The following ZRANB3 variants were observed in gnomAD, a reference collection of about 807,000 sequenced individuals.
ZRANB3 encodes the protein zinc finger RANBP2-type containing 3, also known as DNA annealing helicase and endonuclease ZRANB3.
In ZRANB3, 125 loss-of-function variants were observed where a neutral mutation model predicts 133.8. The ratio of observed to expected loss-of-function variants is 0.93; its 90% CI spans 0.81 to 1.08. The LOEUF (loss-of-function observed/expected upper bound fraction) is 1.08. ZRANB3 is among the 50% of genes least tolerant of loss of function. The pLI, the probability that ZRANB3 is intolerant of heterozygous loss-of-function variation, is 0.00. For missense variants in ZRANB3, 1,229 were observed against 1,275.5 expected (o/e 0.96, Z 0.56); for synonymous variants, 387 against 432.7 (o/e 0.89, Z 1.31).
rs922369695 is a variant in ZRANB3, at chr2:135,457,220, T to C, written c.161+47109A>G. On this transcript the variant is annotated intron_variant, in intron 2 of 20. Coordinates refer to ENST00000264159, the MANE Select transcript of ZRANB3 (RefSeq NM_032143.4). ...ATTTGTTTGTCCATGACTATTTGGC[T>C]TCATTCTACTTTTAGGATAACATGA... is the stretch of plus-strand genomic sequence containing the variant. Among the ~76,000 whole-genome samples the C allele has an allele frequency of 8.5e-5, 13 of 152,198 alleles. No homozygotes were observed. The South Asian group carries it at 2.5e-3, about 29-fold the overall frequency.
intron 3 of ZRANB3, among the ~76,000 whole-genome samples, chr2:135,362,871 GTC>G (rs905427421): frequency 1.4e-4 from 22 of 152,272 alleles, no homozygotes; most frequent in African/African-American, 3.6e-4. Flanking sequence ...TCCTCCTCCA[GTC>G]TCTAGTAAAG....
intron 8 of ZRANB3, among the ~76,000 whole-genome samples, chr2:135,289,610 G>A (rs554522571): frequency 6.6e-6 from 1 of 152,234 alleles, no homozygotes; most frequent in African/African-American, 2.4e-5. Flanking sequence ...TTGATACAAT[G>A]TGATTTTTTT....
intron 10 of ZRANB3, among the ~76,000 whole-genome samples, chr2:135,269,963 C>T (rs1364842032): frequency 6.6e-6 from 1 of 152,064 alleles, no homozygotes; most frequent in Non-Finnish European, 1.5e-5. Flanking sequence ...CACCAAACTC[C>T]TATGAGTGAC....
chr2:135,395,180 C>G (rs374237577), intron 2 of ZRANB3, among the ~76,000 whole-genome samples: 1 of 151,890 alleles, frequency 6.6e-6, no homozygotes, highest in Non-Finnish European at 1.5e-5. Context: ...AATAGAGAAC[C>G]GAGAAACAAA....
At chr2:135,518,316 C>T (rs1693784201) in intron 1 of ZRANB3, among the ~76,000 whole-genome samples, 1 of 152,108 alleles carries the variant, frequency 6.6e-6, no homozygotes, top group Non-Finnish European at 1.5e-5. Context: ...GAAAAAAACT[C>T]CTGCAGCTAG....
chr2:135,484,104 G>C (rs1249805174), intron 2 of ZRANB3, among the ~76,000 whole-genome samples: 1 of 152,142 alleles, frequency 6.6e-6, no homozygotes, highest in Non-Finnish European at 1.5e-5. Flanking sequence ...TTGGGGTGGA[G>C]AGCTCTGTAG....
At chr2:135,338,460 C>A (rs533252301) in intron 6 of ZRANB3, among the ~76,000 whole-genome samples, 11 of 152,338 alleles carry the variant, frequency 7.2e-5, no homozygotes, top group African/African-American at 2.6e-4. Flanking sequence ...AAAGTGGACA[C>A]CACAGTGCCG....
chr2:135,205,286 T>C (rs762999394), intron 19 of ZRANB3, among the ~76,000 whole-genome samples: 24 of 152,180 alleles, frequency 1.6e-4, no homozygotes, highest in Admixed American at 3.3e-4. Context: ...ACATTTTATT[T>C]AGAGATACGG....
intron 3 of ZRANB3, among the ~76,000 whole-genome samples, chr2:135,370,033 CTTT>C (rs548070677): frequency 0.22 from 26,079 of 119,184 alleles, 3,095 homozygotes; most frequent in South Asian, 0.37. Context: ...GGGCATGTTT[CTTT>C]TTTTTTTTTT....
intron 1 of ZRANB3, among the ~76,000 whole-genome samples, chr2:135,507,659 C>CTTTTTTTTTTTTTTTTT (rs75194097): frequency 6.9e-6 from 1 of 145,220 alleles, no homozygotes. Flanking sequence ...TTCAAGACTC[C>CTTTTTTTTTTTTTTTTT]TTTTTTTTTT....
intron 12 of ZRANB3, among the ~76,000 whole-genome samples, chr2:135,258,360 G>A (rs538407152): frequency 3.7e-4 from 57 of 152,330 alleles, no homozygotes; most frequent in African/African-American, 1.3e-3. Context: ...GGAGGATGTG[G>A]TGGAGCCTTG....
At chr2:135,509,486 AAAC>A (rs1183184272) in intron 1 of ZRANB3, among the ~76,000 whole-genome samples, 7 of 152,186 alleles carry the variant, frequency 4.6e-5, no homozygotes, top group Admixed American at 2.0e-4. Context: ...TAGATATTAA[AAAC>A]AATATCTGAA....
chr2:135,320,495 G>C (rs546434453), intron 6 of ZRANB3, among the ~76,000 whole-genome samples: 6 of 152,176 alleles, frequency 3.9e-5, no homozygotes, highest in African/African-American at 1.2e-4. Context: ...TTTGAGCTTA[G>C]AATAATTATT....
At chr2:135,455,467 C>T (rs559548516) in intron 2 of ZRANB3, among the ~76,000 whole-genome samples, 65 of 151,672 alleles carry the variant, frequency 4.3e-4, no homozygotes, top group Admixed American at 1.4e-3. Context: ...GGATTACAGG[C>T]GTGAGCCACC....
Position 135,200,145 on chromosome 2 carries a change from C to T in ZRANB3, c.*197G>A. On this transcript the variant is annotated 3_prime_UTR_variant, in exon 21 of 21. Coordinates refer to ENST00000264159, the MANE Select transcript of ZRANB3 (RefSeq NM_032143.4). ...AAATCAAAAAGACCACAGAAATATT[C>T]AGTATTGTATCTTAGTTTCTGTTAA... 4.6e-6 allele frequency: 3 copies of T among 649,990 alleles called. No individual in the cohort carries two copies. The highest frequency in any genetic ancestry group is 1.7e-5 in the South Asian group (1 of 60,196). 40.3% of individuals were successfully genotyped at this position (649,990 alleles called of 1,614,324 possible). A position where few individuals can be genotyped will look rare whatever the true frequency, so the allele number is the denominator to read the frequency against.
At chr2:135,370,770 G>A (rs1225493908) in intron 3 of ZRANB3, among the ~76,000 whole-genome samples, 1 of 152,184 alleles carries the variant, frequency 6.6e-6, no homozygotes, top group Non-Finnish European at 1.5e-5. Context: ...ATTTGGCTCT[G>A]TGTCCCCACC....
At chr2:135,480,402 A>C (rs1691725807) in intron 2 of ZRANB3, among the ~76,000 whole-genome samples, 1 of 152,164 alleles carries the variant, frequency 6.6e-6, no homozygotes, top group Non-Finnish European at 1.5e-5. Flanking sequence ...CAATCTAGTC[A>C]GCCAAATAAT....
At chr2:135,230,996 T>G in intron 12 of ZRANB3, 69 bp from the exon 13 acceptor site, 1 of 1,405,912 alleles carries the variant, frequency 7.1e-7, no homozygotes, top group Non-Finnish European at 9.4e-7. Context: ...ATAAAAGAGC[T>G]TAACAAAATA....
chr2:135,321,634 G>A (rs948767588), intron 6 of ZRANB3, among the ~76,000 whole-genome samples: 15 of 151,620 alleles, frequency 9.9e-5, no homozygotes, highest in Admixed American at 5.3e-4. Context: ...CCACCATGCC[G>A]GGCTAATTTT....
Sources: allele counts gnomAD v4.1 joint callset (sites outside exome capture counted in the v4.1 genomes callset), GRCh38; gene constraint gnomAD v4.1.1; transcripts MANE v1.5; gene names NCBI Gene and HGNC (gene_info 2026-07-23, HGNC 2026-07-21).